The following PLD5 variants were observed in gnomAD, a reference collection of about 807,000 sequenced individuals.
PLD5 encodes the protein phospholipase D family member 5.
PLD5 carries 36 observed loss-of-function variants against 61.1 expected under a neutral mutation model. The observed-to-expected ratio is 0.59, with a 90% confidence interval of 0.45 to 0.78. The LOEUF is 0.78. PLD5 is among the 30% of genes least tolerant of loss of function. The pLI, the probability that PLD5 is intolerant of heterozygous loss-of-function variation, is 0.00. For synonymous variants in PLD5, 243 were observed against 242.8 expected (o/e 1.00, Z -0.01); for missense variants, 515 against 644.4 (o/e 0.80, Z 2.17).
chr1:242,478,863 A>G lies in PLD5; in HGVS notation c.189+45225T>C, dbSNP rs182648763. ...AGAAGGTTTGCTACAGCAATATTCAAACTCATGAAAACAACCTAATAGTCT... is the reference window on the plus strand; with the variant it reads ...AGAAGGTTTGCTACAGCAATATTCAGACTCATGAAAACAACCTAATAGTCT... On this transcript the variant is annotated intron_variant, in intron 1 of 9. Transcript: ENST00000536534. 5.9e-5 allele frequency among the ~76,000 whole-genome samples: 9 copies of G among 152,370 alleles called. No individual in the cohort carries two copies. The East Asian group carries it at 1.7e-3, about 29-fold the overall frequency.
intron 4 of PLD5, among the ~76,000 whole-genome samples, chr1:242,251,412 T>C (rs1672692409): frequency 6.6e-6 from 1 of 151,920 alleles, no homozygotes; most frequent in Non-Finnish European, 1.5e-5. Flanking sequence ...GACTAGACAG[T>C]TCCAAGGAAA....
chr1:242,139,920 A>G (rs1664033196), intron 5 of PLD5, among the ~76,000 whole-genome samples: 1 of 152,142 alleles, frequency 6.6e-6, no homozygotes, highest in Admixed American at 6.5e-5. Context: ...CTGTCTGAAG[A>G]GACTCTTCTG....
chr1:242,305,817 T>C (rs1170968232), intron 2 of PLD5, among the ~76,000 whole-genome samples: 2 of 152,190 alleles, frequency 1.3e-5, no homozygotes, highest in Non-Finnish European at 2.9e-5. Flanking sequence ...GCCTCGGCCT[T>C]CCAAAGTGCA....
At position 242,348,224 on chromosome 1, in the gene PLD5, C is replaced by T. The variant is rs752556523; in HGVS notation, c.208G>A (p.Val70Met). The T allele has an allele frequency of 2.1e-5, 34 of 1,607,796 alleles. 1 individual carries two copies. The South Asian group carries it at 2.4e-4, about 11-fold the overall frequency. Residue 70 changes from valine to methionine, a missense_variant, in exon 2 of 10, where the codon GTG (valine) becomes ATG (methionine). By Grantham distance (21) the Val-to-Met change is conservative. Around this residue, in one of 2 missense-constraint regions of PLD5, gnomAD observed 450 missense variants for 598.1 expected, o/e 0.75. Coordinates refer to ENST00000536534, the MANE Select transcript of PLD5 (RefSeq NM_001372062.1). ...KLEHSQQKCI[V>M]IFALVCCFAI... ...AAGCAGCACACCAGGGCAAAGATCA[C>T]GATGCACTTCTGCTGGGACTGAAAG...
Position 242,289,512 on chromosome 1 carries a change from C to G in PLD5, c.327-982G>C, listed in dbSNP as rs557724621. On this transcript the variant is annotated intron_variant, in intron 2 of 9. Coordinates refer to ENST00000536534, the MANE Select transcript of PLD5 (RefSeq NM_001372062.1). ...TACAGACACCTGCCACCATGCCTGG[C>G]TAACTTTTTTTTGTGTTTTTCATAG... Among the ~76,000 whole-genome samples, 50 of 152,242 alleles carry G rather than the reference C, an allele frequency of 3.3e-4. 2 individuals are homozygous for G. The South Asian group carries it at 9.8e-3, about 30-fold the overall frequency.
chr1:242,383,156 T>C (rs1662396553), intron 1 of PLD5, among the ~76,000 whole-genome samples: 1 of 152,204 alleles, frequency 6.6e-6, no homozygotes, highest in Admixed American at 6.5e-5. Flanking sequence ...TTTTTTATCT[T>C]GAATTTTTTT....
intron 3 of PLD5, among the ~76,000 whole-genome samples, chr1:242,282,710 T>C (rs1674781588): frequency 6.6e-6 from 1 of 152,114 alleles, no homozygotes; most frequent in African/African-American, 2.4e-5. Context: ...GCTCTACTAA[T>C]GAGCCTCTGT....
chr1:242,319,919 T>C (rs540075566), intron 2 of PLD5, among the ~76,000 whole-genome samples: 3 of 152,346 alleles, frequency 2.0e-5, no homozygotes, highest in East Asian at 1.9e-4. Flanking sequence ...GCCACTTTTA[T>C]CTACCACCCT....
At chr1:242,337,508 G>C (rs1167904541) in intron 2 of PLD5, among the ~76,000 whole-genome samples, 1 of 152,098 alleles carries the variant, frequency 6.6e-6, no homozygotes, top group Admixed American at 6.5e-5. Flanking sequence ...GTGGGTGCCT[G>C]TAATCCCAGA....
At position 242,524,538 on chromosome 1, in the gene PLD5, G is replaced by GGGCGGA. The variant is rs1211695180; in HGVS notation, c.-268_-263dup. 1 of 122,402 alleles carries GGGCGGA rather than the reference G, an allele frequency of 8.2e-6. No individual in the cohort carries two copies. The highest frequency in any genetic ancestry group is 1.7e-5 in the Non-Finnish European group (1 of 57,970). The allele number at this position is 122,402 out of a possible 1,614,324, so 7.6% of individuals were successfully genotyped here. A position where few individuals can be genotyped will look rare whatever the true frequency, so the allele number is the denominator to read the frequency against. ...GAGGTGCGGGCGGGGGCGGGGGCGG[G>GGGCGGA]GGCGGAGGGGGACGGACGGGGAGAA... On this transcript the variant is annotated 5_prime_UTR_variant, in exon 1 of 10. Coordinates refer to ENST00000536534, the MANE Select transcript of PLD5 (RefSeq NM_001372062.1).
chr1:242,334,993 A>T (rs183778360), intron 2 of PLD5, among the ~76,000 whole-genome samples: 1 of 152,316 alleles, frequency 6.6e-6, no homozygotes, highest in Admixed American at 6.5e-5. Flanking sequence ...TATGCAAAGG[A>T]CATGACCTGC....
intron 8 of PLD5, among the ~76,000 whole-genome samples, chr1:242,102,164 CATA>C (rs1660740996): frequency 6.6e-6 from 1 of 152,216 alleles, no homozygotes; most frequent in African/African-American, 2.4e-5. Flanking sequence ...CTCGCTTGGA[CATA>C]ATATCACAAC....
intron 1 of PLD5, among the ~76,000 whole-genome samples, chr1:242,385,442 C>T (rs564970809): frequency 4.6e-5 from 7 of 152,232 alleles, no homozygotes; most frequent in Non-Finnish European, 8.8e-5. Context: ...GGATCATGCA[C>T]CTGCCCTTTC....
intron 5 of PLD5, among the ~76,000 whole-genome samples, chr1:242,173,497 T>C (rs1337100458): frequency 6.6e-6 from 1 of 152,160 alleles, no homozygotes; most frequent in Non-Finnish European, 1.5e-5. Context: ...ATAGATTCAA[T>C]GCCATCCCCA....
At chr1:242,383,729 T>C (rs1036737956) in intron 1 of PLD5, among the ~76,000 whole-genome samples, 2 of 152,160 alleles carry the variant, frequency 1.3e-5, no homozygotes, top group Non-Finnish European at 2.9e-5. Flanking sequence ...TTCTTTAATT[T>C]GAAGACGAGG....
At chr1:242,305,571 CTTTTTT>C (rs1431430558) in intron 2 of PLD5, among the ~76,000 whole-genome samples, 3 of 149,440 alleles carry the variant, frequency 2.0e-5, no homozygotes, top group Non-Finnish European at 4.5e-5. Flanking sequence ...ATTTTTTTTT[CTTTTTT>C]GAGACGGAGT....
intron 1 of PLD5, among the ~76,000 whole-genome samples, chr1:242,496,847 G>A (rs918891520): frequency 6.6e-6 from 1 of 152,202 alleles, no homozygotes; most frequent in Non-Finnish European, 1.5e-5. Flanking sequence ...CTCCCTTGCA[G>A]CTAGCTGCAG....
At chr1:242,230,606 G>A (rs1370223304) in intron 4 of PLD5, among the ~76,000 whole-genome samples, 1 of 151,998 alleles carries the variant, frequency 6.6e-6, no homozygotes, top group African/African-American at 2.4e-5. Flanking sequence ...AGACTAACGG[G>A]GAAACATGAA....
At chr1:242,334,309 A>T (rs944151728) in intron 2 of PLD5, among the ~76,000 whole-genome samples, 2 of 152,198 alleles carry the variant, frequency 1.3e-5, no homozygotes, top group Admixed American at 1.3e-4. Flanking sequence ...CTGAATCTAC[A>T]CCCAGTATAC....
Sources: allele counts gnomAD v4.1 joint callset (sites outside exome capture counted in the v4.1 genomes callset), GRCh38; gene constraint gnomAD v4.1.1; regional missense constraint gnomAD v4.1.1; transcripts MANE v1.5; gene names NCBI Gene and HGNC (gene_info 2026-07-23, HGNC 2026-07-21).